ZNF420: variants seen among roughly 807,000 people sequenced by gnomAD.
ZNF420 encodes the protein ATM and p53-associated KZNF protein.
ZNF420 carries 31 observed loss-of-function variants against 44.7 expected under a neutral mutation model. That is an observed-to-expected ratio of 0.69 (90% CI 0.52 to 0.94). The LOEUF (loss-of-function observed/expected upper bound fraction) is 0.94, where lower values mean the gene tolerates loss of function less well. Among genes scored for constraint, ZNF420 ranks in the 40% least tolerant of loss-of-function variants. The pLI is 0.00. For synonymous variants in ZNF420, 245 were observed against 267.4 expected, an observed-to-expected ratio of 0.92 and a Z score of 0.82; for missense variants, 681 against 827.9, an observed-to-expected ratio of 0.82 and a Z score of 2.18.
At chr19:37,026,958 G>A (rs112700558) in intron 1 of ZNF420, among the ~76,000 whole-genome samples, 248 of 152,270 alleles carry the variant, frequency 1.6e-3, no homozygotes, top group African/African-American at 5.0e-3. Context: ...CAAAACCTAC[G>A]ATCTCTGAAA....
In ZNF420 at chr19:37,128,186, A is replaced by T; in HGVS notation, c.1195A>T (p.Met399Leu). Reference protein sequence around the residue: ...KPYECKECGKMFSHGSQLTQH... With the variant: ...KPYECKECGKLFSHGSQLTQH... The stretch of plus-strand genomic sequence containing the variant: ...CTATGAATGTAAGGAATGTGGAAAG[A>T]TGTTTAGTCATGGCTCACAACTTAC... The change falls in exon 5 of 5, where the codon ATG becomes TTG. Residue 399 changes from methionine to leucine, a missense_variant. By Grantham distance (15) the Met-to-Leu change is conservative. Transcript: ENST00000337995. 6.2e-7 allele frequency: 1 copy of T among 1,613,918 alleles called. No homozygotes were observed. Among genetic ancestry groups the T allele is most frequent in the African/African-American group, 1.3e-5 (1 of 74,962 alleles).
chr19:37,112,490 T>C (rs1970433961), intron 4 of ZNF420, among the ~76,000 whole-genome samples: 1 of 152,158 alleles, frequency 6.6e-6, no homozygotes, highest in Non-Finnish European at 1.5e-5. Flanking sequence ...AACAGCCTTT[T>C]GTTTAGGCCA....
chr19:37,023,405 G>A (rs567774514), intron 1 of ZNF420, among the ~76,000 whole-genome samples: 1 of 151,516 alleles, frequency 6.6e-6, no homozygotes, highest in Non-Finnish European at 1.5e-5. Flanking sequence ...TTGCTCTGTC[G>A]CCCGTGCTGG....
chr19:37,099,167 T>A lies in ZNF420; in HGVS notation c.136+8046T>A, dbSNP rs368302385. The stretch of plus-strand genomic sequence containing the variant: ...TGGGAATGCAGATGCCTCTTTGACA[T>A]ACTGATTTCCTTTCCTTTGGATGTA... On this transcript the variant is annotated intron_variant, in intron 4 of 4. Coordinates refer to ENST00000337995, the MANE Select transcript of ZNF420 (RefSeq NM_144689.5). Among the ~76,000 whole-genome samples, 9 of 152,340 alleles carry A rather than the reference T, an allele frequency of 5.9e-5. No individual in the cohort carries two copies. In the East Asian group the frequency reaches 1.2e-3, roughly 20 times the overall value.
chr19:37,058,866 A>G (rs941339823), intron 1 of ZNF420, among the ~76,000 whole-genome samples: 1 of 152,188 alleles, frequency 6.6e-6, no homozygotes. Flanking sequence ...TCTCCTGGAA[A>G]GTGGTGTTGG....
chr19:37,066,898 T>G (rs1489276640), intron 1 of ZNF420, among the ~76,000 whole-genome samples: 2 of 152,078 alleles, frequency 1.3e-5, no homozygotes, highest in Non-Finnish European at 2.9e-5. Flanking sequence ...GCACAAAAGT[T>G]CAACAAGAAT....
At chr19:37,052,894 T>A (rs1349360652) in intron 1 of ZNF420, among the ~76,000 whole-genome samples, 1 of 152,188 alleles carries the variant, frequency 6.6e-6, no homozygotes, top group African/African-American at 2.4e-5. Flanking sequence ...ATTTCCTGAA[T>A]TTGAATGTTG....
At chr19:37,086,937 A>G (rs73625268) in intron 2 of ZNF420, among the ~76,000 whole-genome samples, 1,615 of 152,188 alleles carry the variant, frequency 0.011, 31 homozygotes, top group African/African-American at 0.037. Flanking sequence ...ACTATTATTA[A>G]TACAATTTAG....
chr19:37,083,638 T>C (rs1202740560), intron 2 of ZNF420, among the ~76,000 whole-genome samples: 1 of 152,240 alleles, frequency 6.6e-6, no homozygotes. Flanking sequence ...TGTCTGCTTT[T>C]GGATTCCTTT....
intron 1 of ZNF420, among the ~76,000 whole-genome samples, chr19:37,033,818 A>T (rs1207121362): frequency 6.6e-6 from 1 of 152,140 alleles, no homozygotes; most frequent in Non-Finnish European, 1.5e-5. Context: ...GTTCAGTGGC[A>T]TGATCTCAGC....
rs546279017 is a variant in ZNF420 at position 37,044,615 on chromosome 19, C to T, written c.-124-35730C>T. Among the ~76,000 whole-genome samples the T allele has an allele frequency of 3.3e-5, 5 of 152,138 alleles. No homozygotes were observed. In the South Asian group the frequency reaches 8.3e-4, roughly 25 times the overall value. The stretch of plus-strand genomic sequence containing the variant: ...GTGCGGTGGCTCATGCCTGTAATCC[C>T]AGGACTTTGGAAGGCTGAGGTGAGC... On this transcript the variant is annotated intron_variant, in intron 1 of 4. Coordinates refer to the ZNF420 transcript ENST00000587029.
chr19:37,109,479 G>C (rs974655953), intron 4 of ZNF420: 9 of 152,208 alleles, frequency 5.9e-5, no homozygotes, highest in African/African-American at 2.2e-4. Context: ...TTAGCTAACT[G>C]TGTCAGCTTC....
chr19:37,058,883 G>A (rs7260488), intron 1 of ZNF420, among the ~76,000 whole-genome samples: 85,385 of 152,026 alleles, frequency 0.56, 25,562 homozygotes, highest in African/African-American at 0.76. Flanking sequence ...TTGGCTTGCA[G>A]CAGCCCCACG....
chr19:37,081,755 A>C lies in ZNF420; in HGVS notation c.-81+1367A>C, dbSNP rs568363173. Among the ~76,000 whole-genome samples the C allele has an allele frequency of 3.8e-5, 5 of 130,270 alleles. No individual in the cohort carries two copies. In the South Asian group the frequency reaches 1.2e-3, roughly 31 times the overall value. The allele number at this position is 130,270 out of a possible 152,430, so 85.5% of individuals were successfully genotyped here. On this transcript the variant is annotated intron_variant, in intron 2 of 4. Transcript: ENST00000337995. ...GAGATGGGGTTTCACCATATTGGCC[A>C]GGCTGGTCTCAAACTTCTGACCTCA...
rs1194416869 is a variant in ZNF420, at chr19:37,127,112, C to T, written c.137-16C>T. ...AGTTATATTTCTCAATTTTTTTATT[C>T]TCTCTTATCTTTCAGACTTGCCTTC... On this transcript the variant is annotated splice_polypyrimidine_tract_variant and intron_variant, in intron 4 of 4. Transcript: ENST00000337995. 1.8e-5 allele frequency: 26 copies of T among 1,415,370 alleles called. No homozygotes were observed. The highest frequency in any genetic ancestry group is 1.0e-4 in the East Asian group (4 of 39,694). 87.7% of individuals were successfully genotyped at this position (1,415,370 alleles called of 1,614,324 possible).
intron 1 of ZNF420, among the ~76,000 whole-genome samples, chr19:37,021,936 C>CAAAAAAAAAAAA (rs60559933): frequency 3.8e-4 from 32 of 84,588 alleles, no homozygotes; most frequent in Non-Finnish European, 5.2e-4. Flanking sequence ...CAGTCTGTCT[C>CAAAAAAAAAAAA]AAAAAAAAAA....
At chr19:37,100,200 G>A (rs560090362) in intron 4 of ZNF420, among the ~76,000 whole-genome samples, 1 of 152,238 alleles carries the variant, frequency 6.6e-6, no homozygotes, top group African/African-American at 2.4e-5. Flanking sequence ...AACATTTACT[G>A]AAGAAAGTAT....
chr19:37,034,897 A>T (rs1180106073), intron 1 of ZNF420, among the ~76,000 whole-genome samples: 1 of 152,226 alleles, frequency 6.6e-6, no homozygotes, highest in Non-Finnish European at 1.5e-5. Context: ...TAAGAATATT[A>T]GGAAAGCCTT....
chr19:37,112,538 T>C (rs957580659), intron 4 of ZNF420, among the ~76,000 whole-genome samples: 2 of 152,158 alleles, frequency 1.3e-5, no homozygotes, highest in African/African-American at 4.8e-5. Context: ...GATAGAGACA[T>C]CTGCTGCAGT....
Sources: allele counts gnomAD v4.1 joint callset (sites outside exome capture counted in the v4.1 genomes callset), GRCh38; gene constraint gnomAD v4.1.1; transcripts MANE v1.5; gene names NCBI Gene and HGNC (gene_info 2026-07-23, HGNC 2026-07-21).